Variants in BRAF observed in about 807,000 individuals in gnomAD.
The protein encoded by BRAF is serine/threonine-protein kinase B-raf.
Under a neutral mutation model 104.6 loss-of-function variants are expected in BRAF, and 16 were observed. The observed-to-expected ratio is 0.15, with a 90% CI of 0.10 to 0.23. The LOEUF (loss-of-function observed/expected upper bound fraction) is 0.23, where lower values mean the gene tolerates loss of function less well. Ranked by LOEUF, BRAF falls within the 10% of genes least tolerant of loss-of-function variation. BRAF has a pLI of 1.00. For synonymous variants in BRAF, 310 were observed against 341.6 expected (o/e 0.91, Z 1.02); for missense variants, 541 against 937.3 (o/e 0.58, Z 5.52).
intron 1 of BRAF, among the ~76,000 whole-genome samples, chr7:140,860,461 T>A (rs1319787639): frequency 7.9e-6 from 1 of 126,660 alleles, no homozygotes; most frequent in Non-Finnish European, 1.6e-5. Context: ...AGACCCCATC[T>A]CTAGAAAAAA....
At chr7:140,833,459 G>C (rs1807001191) in intron 3 of BRAF, among the ~76,000 whole-genome samples, 1 of 152,182 alleles carries the variant, frequency 6.6e-6, no homozygotes, top group South Asian at 2.1e-4. Flanking sequence ...TCTATTTACA[G>C]ATAATTCATA....
intron 8 of BRAF, among the ~76,000 whole-genome samples, chr7:140,792,646 C>A (rs1029841187): frequency 1.3e-5 from 2 of 152,174 alleles, no homozygotes; most frequent in Non-Finnish European, 2.9e-5. Flanking sequence ...TTTATTACCC[C>A]CTTCTCTAAA....
At chr7:140,844,098 G>T (rs1808291727) in intron 2 of BRAF, among the ~76,000 whole-genome samples, 1 of 152,062 alleles carries the variant, frequency 6.6e-6, no homozygotes, top group South Asian at 2.1e-4. Flanking sequence ...AGCCAACAGG[G>T]GAATGACACA....
At chr7:140,835,989 C>A (rs941431635) in intron 2 of BRAF, 4 of 152,026 alleles carry the variant, frequency 2.6e-5, no homozygotes, top group Non-Finnish European at 5.9e-5. Context: ...AAACAATATT[C>A]TTGACACAAA....
At chr7:140,714,280 G>T in the BRAF span, among the ~76,000 whole-genome samples, 1 of 152,308 alleles carries the variant, frequency 6.6e-6, no homozygotes, top group African/African-American at 2.4e-5. Context: ...GGTGAAGCAG[G>T]AGTTTTTACT....
chr7:140,811,731 T>A (rs1804286770), intron 3 of BRAF, among the ~76,000 whole-genome samples: 1 of 152,138 alleles, frequency 6.6e-6, no homozygotes. Flanking sequence ...AGCCAATAGG[T>A]CTCAACCTGT....
Position 140,721,307 on chromosome 7 carries a change from TA to T in BRAF, c.*5186del. The T allele has an allele frequency of 6.0e-6, 7 of 1,160,572 alleles. No individual in the cohort carries two copies. Among genetic ancestry groups the T allele is most frequent in the East Asian group, 3.8e-5 (1 of 26,312 alleles). The allele number at this position is 1,160,572 out of a possible 1,614,324, so 71.9% of individuals were successfully genotyped here. On this transcript the variant is annotated 3_prime_UTR_variant, in exon 20 of 20. Coordinates refer to ENST00000644969, the MANE Select transcript of BRAF (RefSeq NM_001374258.1). The stretch of plus-strand genomic sequence containing the variant: ...AATTGCCCCATGCATTTTTTTTTTT[TA>T]AAGCACTGTTACCTTAATTTAAGAT...
intron 8 of BRAF, among the ~76,000 whole-genome samples, chr7:140,788,208 A>G (rs1380604035): frequency 6.6e-6 from 1 of 152,166 alleles, no homozygotes; most frequent in Non-Finnish European, 1.5e-5. Context: ...GGTGCACATT[A>G]AGAGAGATAA....
At chr7:140,852,608 G>A (rs905864262) in intron 1 of BRAF, among the ~76,000 whole-genome samples, 9 of 152,106 alleles carry the variant, frequency 5.9e-5, no homozygotes, top group Admixed American at 5.9e-4. Flanking sequence ...AAAAGTGTCA[G>A]ATGGCTTCTT....
intron 12 of BRAF, chr7:140,779,878 G>A (rs988775561): frequency 1.3e-5 from 2 of 152,272 alleles, no homozygotes; most frequent in African/African-American, 4.8e-5. Flanking sequence ...GTTGTAGTGA[G>A]TTGAGATTGT....
rs1293644408 is a variant in BRAF at position 140,793,772 on chromosome 7, T to C, written c.1140+536A>G. ...TCCAGAGTAGCTGGGACTACAGGCA[T>C]GCCTCACCATGCATGGCTAATTTGT... On this transcript the variant is annotated intron_variant, in intron 8 of 19. Transcript: ENST00000644969. Among the ~76,000 whole-genome samples the C allele has an allele frequency of 2.0e-5, 3 of 152,220 alleles. No homozygotes were observed. The Middle Eastern group carries it at 0.01, about 518-fold the overall frequency.
At chr7:140,714,082 G>C in the BRAF span, among the ~76,000 whole-genome samples, 3 of 152,244 alleles carry the variant, frequency 2.0e-5, no homozygotes, top group Non-Finnish European at 4.4e-5. Flanking sequence ...CAGTCTGCCC[G>C]TTCTCAGATC....
At chr7:140,766,681 G>A (rs969816704) in intron 14 of BRAF, among the ~76,000 whole-genome samples, 2 of 151,970 alleles carry the variant, frequency 1.3e-5, no homozygotes, top group South Asian at 4.2e-4. Context: ...CTCCCGAGTA[G>A]CTGGGACCAC....
intron 2 of BRAF, among the ~76,000 whole-genome samples, chr7:140,848,213 C>A (rs952305944): frequency 1.3e-5 from 2 of 151,916 alleles, no homozygotes; most frequent in Non-Finnish European, 2.9e-5. Context: ...GGGGAAAGAG[C>A]GAGACAATGT....
intron 3 of BRAF, among the ~76,000 whole-genome samples, chr7:140,832,268 T>C (rs1250016249): frequency 1.3e-5 from 2 of 152,238 alleles, no homozygotes; most frequent in South Asian, 2.1e-4. Flanking sequence ...TAGTAGGTTC[T>C]ACTGCCCTTT....
chr7:140,750,397 T>A lies in BRAF; in HGVS notation c.1981-979A>T, dbSNP rs191198762. 2.2e-4 allele frequency among the ~76,000 whole-genome samples: 33 copies of A among 152,302 alleles called. No individual in the cohort carries two copies. In the East Asian group the frequency reaches 6.4e-3, roughly 29 times the overall value. On this transcript the variant is annotated intron_variant, in intron 16 of 19. Transcript: ENST00000644969. ...ACTGAGCAACAGCTGTAAATGAGAA[T>A]GACCCGCGGAGCCTTAAACCCCTCA...
chr7:140,911,155 T>C (rs140969228), intron 1 of BRAF, among the ~76,000 whole-genome samples: 1,602 of 152,328 alleles, frequency 0.011, 26 homozygotes, highest in African/African-American at 0.036. Context: ...GACAGTATTA[T>C]TGTTAAGCAA....
intron 1 of BRAF, among the ~76,000 whole-genome samples, chr7:140,878,468 GA>G (rs1025556269): frequency 6.6e-6 from 1 of 151,988 alleles, no homozygotes; most frequent in African/African-American, 2.4e-5. Flanking sequence ...TCAAGAAAGT[GA>G]AAAAAACCTA....
intron 7 of BRAF, among the ~76,000 whole-genome samples, chr7:140,796,744 T>C (rs1444568041): frequency 6.6e-6 from 1 of 152,228 alleles, no homozygotes; most frequent in Non-Finnish European, 1.5e-5. Context: ...ACACTTGAAG[T>C]GATCATAATC....
Sources: allele counts gnomAD v4.1 joint callset (sites outside exome capture counted in the v4.1 genomes callset), GRCh38; gene constraint gnomAD v4.1.1; transcripts MANE v1.5; gene names NCBI Gene and HGNC (gene_info 2026-07-23, HGNC 2026-07-21).